The following STK3 variants were observed in gnomAD, a reference collection of about 807,000 sequenced individuals.
The protein encoded by STK3 is serine/threonine kinase 3, also known as serine/threonine-protein kinase 3.
In STK3, 41 loss-of-function variants were observed where a neutral mutation model predicts 58.0. The observed-to-expected ratio is 0.71, with a 90% CI of 0.55 to 0.92. The LOEUF (loss-of-function observed/expected upper bound fraction) is 0.92. STK3 is among the 40% of genes least tolerant of loss of function. STK3 has a pLI of 0.00. For synonymous variants in STK3, 170 were observed against 191.0 expected, an observed-to-expected ratio of 0.89 and a Z score of 0.91; for missense variants, 479 against 602.7, an observed-to-expected ratio of 0.79 and a Z score of 2.15.
chr8:98,658,581 CTT>C (rs1232034821), intron 6 of STK3, among the ~76,000 whole-genome samples: 1 of 151,948 alleles, frequency 6.6e-6, no homozygotes, highest in East Asian at 1.9e-4. Flanking sequence ...CCTCATTTTT[CTT>C]TCTTTCCTTG....
At chr8:98,504,456 C>A (rs540939292) in intron 10 of STK3, among the ~76,000 whole-genome samples, 3 of 152,060 alleles carry the variant, frequency 2.0e-5, no homozygotes, top group Non-Finnish European at 4.4e-5. Context: ...TCATTTTGCC[C>A]GTTAGTTGAT....
chr8:98,763,830 G>A (rs928643383), intron 3 of STK3, among the ~76,000 whole-genome samples: 5 of 151,956 alleles, frequency 3.3e-5, no homozygotes, highest in South Asian at 2.1e-4. Context: ...CTGCCACCAC[G>A]TCCAGCTAAT....
chr8:98,780,336 G>T (rs1832007409), intron 1 of STK3, among the ~76,000 whole-genome samples: 1 of 152,026 alleles, frequency 6.6e-6, no homozygotes, highest in South Asian at 2.1e-4. Context: ...TAGCCAATCT[G>T]TGATGAAAAC....
At chr8:98,542,380 G>A (rs918111685) in intron 9 of STK3, among the ~76,000 whole-genome samples, 12 of 152,082 alleles carry the variant, frequency 7.9e-5, no homozygotes, top group African/African-American at 2.7e-4. Context: ...TGCCAAGTGC[G>A]CTGAGTACTT....
At chr8:98,359,522 C>CAAAA in the STK3 span, among the ~76,000 whole-genome samples, 34 of 114,502 alleles carry the variant, frequency 3.0e-4, no homozygotes, top group African/African-American at 9.9e-4. Flanking sequence ...GACTCTGGCT[C>CAAAA]AAAAAAAAAA....
intron 3 of STK3, among the ~76,000 whole-genome samples, chr8:98,874,932 T>C (rs1239968521): frequency 6.6e-6 from 1 of 152,208 alleles, no homozygotes; most frequent in African/African-American, 2.4e-5. Flanking sequence ...CCCTTGTTTA[T>C]GATTTTTAAA....
intron 9 of STK3, among the ~76,000 whole-genome samples, chr8:98,533,779 C>T (rs1809524327): frequency 6.6e-6 from 1 of 152,174 alleles, no homozygotes; most frequent in Admixed American, 6.5e-5. Context: ...TGTGGGCCAC[C>T]ATACCTCGCT....
In STK3 at chr8:98,387,872, CCTTT is replaced by C. The variant is rs1362954690; in HGVS notation, n.56+316_56+319del. Among the ~76,000 whole-genome samples, 1,068 of 144,724 alleles carry C rather than the reference CCTTT, an allele frequency of 7.4e-3. 27 individuals are homozygous for C. Among genetic ancestry groups the C allele is most frequent in the African/African-American group, 0.028 (1,007 of 35,742 alleles). The allele number at this position is 144,724 out of a possible 152,430, so 94.9% of individuals were successfully genotyped here. A position where few individuals can be genotyped will look rare whatever the true frequency, so the allele number is the denominator to read the frequency against. Reference sequence around the variant, plus strand: ...GAAACCAGAGCTCTTTGTAAAATGCCCTTTTTTTTTTTTTTTTGTCAGATACGGA... The same window carrying C: ...GAAACCAGAGCTCTTTGTAAAATGCCTTTTTTTTTTTTTGTCAGATACGGA... On this transcript the variant is annotated intron_variant and non_coding_transcript_variant, in intron 1 of 2. Transcript: ENST00000518704.
In STK3 at chr8:98,579,682, T is replaced by C. The variant is rs1156373914; in HGVS notation, c.930A>G (p.Glu310=). Residue 310 remains glutamate (E), a synonymous_variant, in exon 8 of 11, where the codon GAA becomes GAG. Transcript: ENST00000419617. The part of the protein sequence containing the change: ...KRHEEQQREL[E]EEEENSDEDE... ...TACAAACCGAATTTTCTTCTTCCTC[T>C]TCCAATTCTCGTTGCTGTTCCTCAT... 1 of 1,608,484 alleles carries C rather than the reference T, an allele frequency of 6.2e-7. No homozygotes were observed.
At chr8:98,700,741 CT>C (rs1825521965) in intron 6 of STK3, among the ~76,000 whole-genome samples, 1 of 152,126 alleles carries the variant, frequency 6.6e-6, no homozygotes, top group South Asian at 2.1e-4. Context: ...TTTCTATTTT[CT>C]TTCCTTTGCC....
chr8:98,405,336 T>C (rs2131031976), intron 3 of STK3, among the ~76,000 whole-genome samples: 1 of 152,338 alleles, frequency 6.6e-6, no homozygotes, highest in East Asian at 1.9e-4. Flanking sequence ...TCCAGATTGT[T>C]CTGAGGATTA....
At chr8:98,887,961 T>C (rs543227924) in intron 1 of STK3, among the ~76,000 whole-genome samples, 7 of 152,214 alleles carry the variant, frequency 4.6e-5, no homozygotes, top group African/African-American at 1.7e-4. Flanking sequence ...CCCAAGTAAG[T>C]GTTCACATGC....
chr8:98,680,980 T>TC (rs1823589452), intron 6 of STK3, among the ~76,000 whole-genome samples: 1 of 137,946 alleles, frequency 7.2e-6, no homozygotes, highest in Non-Finnish European at 1.6e-5. Flanking sequence ...ACCCCACCTT[T>TC]CTTTTTTTTT....
chr8:98,502,764 A>C (rs1364910824), intron 10 of STK3, among the ~76,000 whole-genome samples: 1 of 152,152 alleles, frequency 6.6e-6, no homozygotes, highest in African/African-American at 2.4e-5. Flanking sequence ...TGACTTGATC[A>C]TGGTGGATAA....
rs145031988 is a variant in STK3 at position 98,443,572 on chromosome 8, G to A, written n.186-6364C>T. ...CTAAGGCTTCTTAACCATAGGCTGG[G>A]CATGGTGGCTCATGCCTCTATTCCC... On this transcript the variant is annotated intron_variant and non_coding_transcript_variant, in intron 1 of 3. Coordinates refer to the STK3 transcript ENST00000517832. Among the ~76,000 whole-genome samples the A allele has an allele frequency of 7.2e-4, 109 of 152,310 alleles. 4 individuals are homozygous for A. The East Asian group carries it at 0.015, about 21-fold the overall frequency.
chr8:98,349,403 CCCAGCTGCTTTCA>C, the STK3 span, among the ~76,000 whole-genome samples: 5 of 152,210 alleles, frequency 3.3e-5, no homozygotes, highest in African/African-American at 1.2e-4. Flanking sequence ...TGGCCTCCCT[CCCAGCTGCTTTCA>C]CAGGGTGGTG....
At chr8:98,575,384 T>C (rs1332886516) in intron 8 of STK3, among the ~76,000 whole-genome samples, 1 of 151,004 alleles carries the variant, frequency 6.6e-6, no homozygotes, top group Non-Finnish European at 1.5e-5. Flanking sequence ...ATACAAAAAA[T>C]TAACCATTTT....
intron 6 of STK3, among the ~76,000 whole-genome samples, chr8:98,694,263 T>G (rs1488357800): frequency 6.6e-6 from 1 of 152,224 alleles, no homozygotes; most frequent in East Asian, 1.9e-4. Context: ...AAATGACTCC[T>G]TATGTTTGAA....
At chr8:98,916,859 A>ACAAAT (rs1420561152) in intron 1 of STK3, among the ~76,000 whole-genome samples, 1 of 152,186 alleles carries the variant, frequency 6.6e-6, no homozygotes, top group Admixed American at 6.5e-5. Context: ...ACAAAACAAA[A>ACAAAT]CAATAAACAG....
Sources: allele counts gnomAD v4.1 joint callset (sites outside exome capture counted in the v4.1 genomes callset), GRCh38; gene constraint gnomAD v4.1.1; transcripts MANE v1.5; gene names NCBI Gene and HGNC (gene_info 2026-07-23, HGNC 2026-07-21).